NARS2: variants seen among roughly 807,000 people sequenced by gnomAD.
The protein encoded by NARS2 is asparaginyl-tRNA synthetase 2, mitochondrial.
Under a neutral mutation model 62.9 loss-of-function variants are expected in NARS2, and 60 were observed. The observed-to-expected ratio is 0.95, with a 90% CI of 0.77 to 1.18. The LOEUF is 1.18. Ranked by LOEUF, NARS2 falls within the 50% of genes most tolerant of loss-of-function variation. The pLI, the probability that NARS2 is intolerant of heterozygous loss-of-function variation, is 0.00. For missense variants in NARS2, 619 were observed against 576.4 expected (o/e 1.07, Z -0.76); for synonymous variants, 196 against 200.0 (o/e 0.98, Z 0.17).
intron 6 of NARS2, among the ~76,000 whole-genome samples, chr11:78,497,042 T>C (rs1431412427): frequency 6.6e-6 from 1 of 152,122 alleles, no homozygotes; most frequent in African/African-American, 2.4e-5. Flanking sequence ...AAGGCCAGTA[T>C]TGCTCTGAGA....
intron 7 of NARS2, among the ~76,000 whole-genome samples, chr11:78,488,235 A>G (rs989116283): frequency 1.9e-5 from 1 of 51,660 alleles, no homozygotes; most frequent in South Asian, 5.0e-4. Flanking sequence ...CCTACCTGGT[A>G]AAAAAAAAAA....
chr11:78,522,040 A>G (rs561573179), intron 6 of NARS2, among the ~76,000 whole-genome samples: 136 of 152,118 alleles, frequency 8.9e-4, no homozygotes, highest in African/African-American at 3.2e-3. Context: ...TGCAGCCTCA[A>G]TCTCCTGGGC....
chr11:78,500,917 C>A (rs1041955325), intron 6 of NARS2, among the ~76,000 whole-genome samples: 2 of 152,020 alleles, frequency 1.3e-5, no homozygotes, highest in African/African-American at 4.8e-5. Flanking sequence ...CATGGTGAAA[C>A]CCCGTCTCTA....
At chr11:78,466,485 CTT>C (rs750213183) in intron 10 of NARS2, among the ~76,000 whole-genome samples, 118 of 151,824 alleles carry the variant, frequency 7.8e-4, no homozygotes, top group Non-Finnish European at 1.4e-3. Context: ...CTCTTGGTGA[CTT>C]TTGTTTTTTT....
rs1477875310 is a variant in NARS2, at chr11:78,436,530, T to C, written c.*140A>G. 3 of 1,053,686 alleles carry C rather than the reference T, an allele frequency of 2.8e-6. No individual in the cohort carries two copies. The highest frequency in any genetic ancestry group is 3.3e-5 in the African/African-American group (2 of 60,464). The allele number at this position is 1,053,686 out of a possible 1,614,324, so 65.3% of individuals were successfully genotyped here. A position where few individuals can be genotyped will look rare whatever the true frequency, so the allele number is the denominator to read the frequency against. ...TCTAAGAAAATCACAACCACTTATA[T>C]TTTTTCTATGATATCTTATGGCACA... On this transcript the variant is annotated 3_prime_UTR_variant, in exon 14 of 14. Transcript: ENST00000281038.
Position 78,436,749 on chromosome 11 carries a change from T to A in NARS2, c.1355A>T (p.Tyr452Phe), listed in dbSNP as rs772340741. ...HGGFGMGFER[Y>F]LQCILGVDNI... ...GTCAACACCCAAGATGCACTGCAGG[T>A]AGCGTTCAAATCCCATCCCAAAACC... Residue 452 changes from tyrosine (Y) to phenylalanine (F), a missense_variant, in exon 14 of 14, where the codon TAC becomes TTC. Tyr to Phe is a conservative substitution (Grantham distance 22, BLOSUM62 3). Coordinates refer to ENST00000281038, the MANE Select transcript of NARS2 (RefSeq NM_024678.6). The A allele has an allele frequency of 4.3e-6, 7 of 1,614,060 alleles. No individual in the cohort carries two copies. In the African/African-American group the frequency reaches 8.0e-5, roughly 18 times the overall value.
chr11:78,442,239 G>A (rs2135137218), intron 12 of NARS2, among the ~76,000 whole-genome samples: 1 of 152,270 alleles, frequency 6.6e-6, no homozygotes, highest in East Asian at 1.9e-4. Context: ...AAAACATAGA[G>A]AATACTCAGA....
chr11:78,502,973 A>G (rs6592782), intron 6 of NARS2, among the ~76,000 whole-genome samples: 103,110 of 137,734 alleles, frequency 0.75, 39,246 homozygotes, highest in Non-Finnish European at 0.81. Flanking sequence ...CAGCCTGGGT[A>G]ACAGAGTGAG....
chr11:78,473,754 A>G (rs566874700), intron 9 of NARS2, among the ~76,000 whole-genome samples: 14 of 152,332 alleles, frequency 9.2e-5, no homozygotes, highest in Middle Eastern at 6.8e-3. Flanking sequence ...TAAATTCTCT[A>G]TGCTGGCTAG....
At chr11:78,495,494 G>A (rs1565236784) in intron 6 of NARS2, among the ~76,000 whole-genome samples, 1 of 152,072 alleles carries the variant, frequency 6.6e-6, no homozygotes, top group Non-Finnish European at 1.5e-5. Flanking sequence ...ACTTTGAAAT[G>A]TAACTATCTA....
chr11:78,544,708 G>A (rs953272775), intron 5 of NARS2, among the ~76,000 whole-genome samples: 10 of 150,606 alleles, frequency 6.6e-5, no homozygotes, highest in African/African-American at 1.7e-4. Context: ...GCAGGAGAAC[G>A]GCGTGAACCT....
Position 78,574,436 on chromosome 11 carries a change from G to C in NARS2, c.53C>G (p.Pro18Arg), listed in dbSNP as rs755639334. Residue 18 changes from proline (P) to arginine (R), a missense_variant, in exon 1 of 14, where the codon CCC (proline) becomes CGC (arginine). Pro to Arg is a moderately radical substitution (Grantham distance 103, BLOSUM62 -2). Coordinates refer to ENST00000281038, the MANE Select transcript of NARS2 (RefSeq NM_024678.6). ...GGCTGAAGGTTTGTGCTTGGGGAAG[G>C]GGGCGGAGGAACAGAAGCGCACGGA... is the stretch of plus-strand genomic sequence containing the variant. ...LRSVRFCSSAPFPKHKPSAKL... is the reference protein window; with the variant it reads ...LRSVRFCSSARFPKHKPSAKL... 1.9e-6 allele frequency: 3 copies of C among 1,614,082 alleles called. No homozygotes were observed. Among genetic ancestry groups the C allele is most frequent in the South Asian group, 1.1e-5 (1 of 91,092 alleles).
At chr11:78,543,650 G>A (rs1302408589) in intron 5 of NARS2, among the ~76,000 whole-genome samples, 1 of 152,086 alleles carries the variant, frequency 6.6e-6, no homozygotes, top group Admixed American at 6.6e-5. Context: ...TCACTTCTGG[G>A]AAAATACACA....
At chr11:78,520,006 C>G (rs553261174) in intron 6 of NARS2, among the ~76,000 whole-genome samples, 45 of 151,948 alleles carry the variant, frequency 3.0e-4, no homozygotes, top group Non-Finnish European at 4.9e-4. Context: ...TTTTGAGTTT[C>G]TTGGTCAAAC....
intron 7 of NARS2, among the ~76,000 whole-genome samples, chr11:78,481,794 A>G (rs73504967): frequency 0.034 from 5,188 of 152,256 alleles, 277 homozygotes; most frequent in African/African-American, 0.12. Context: ...AAAGATGCTA[A>G]TTTCCAAGGA....
chr11:78,508,915 G>A (rs758309617), intron 6 of NARS2, among the ~76,000 whole-genome samples: 6 of 152,002 alleles, frequency 3.9e-5, no homozygotes, highest in Non-Finnish European at 7.4e-5. Context: ...CGGAGTTTGA[G>A]ACCAGCCTGG....
chr11:78,451,298 G>C (rs1362025352), intron 11 of NARS2, among the ~76,000 whole-genome samples: 1 of 152,206 alleles, frequency 6.6e-6, no homozygotes, highest in Non-Finnish European at 1.5e-5. Flanking sequence ...ATTCCAGGTA[G>C]AATTCTTCTA....
intron 6 of NARS2, among the ~76,000 whole-genome samples, chr11:78,525,681 C>T (rs1020829672): frequency 1.3e-5 from 2 of 152,134 alleles, no homozygotes; most frequent in Admixed American, 1.3e-4. Flanking sequence ...TCTTCCCAAA[C>T]CCCCATCCCC....
intron 5 of NARS2, among the ~76,000 whole-genome samples, chr11:78,535,768 C>T (rs1474982546): frequency 2.6e-5 from 4 of 152,034 alleles, no homozygotes; most frequent in South Asian, 2.1e-4. Flanking sequence ...CAGGCATGCA[C>T]CACCACGCCT....
Sources: allele counts gnomAD v4.1 joint callset (sites outside exome capture counted in the v4.1 genomes callset), GRCh38; gene constraint gnomAD v4.1.1; transcripts MANE v1.5; gene names NCBI Gene and HGNC (gene_info 2026-07-23, HGNC 2026-07-21).